ITGA8: variants seen among roughly 807,000 people sequenced by gnomAD.
ITGA8 encodes integrin subunit alpha 8.
In ITGA8, 91 loss-of-function variants were observed where a neutral mutation model predicts 142.3. The ratio of observed to expected loss-of-function variants is 0.64; its 90% confidence interval spans 0.54 to 0.76. The LOEUF (loss-of-function observed/expected upper bound fraction) is 0.76, where lower values mean the gene tolerates loss of function less well. Among genes scored for constraint, ITGA8 ranks in the 30% least tolerant of loss-of-function variants. The pLI, the probability that ITGA8 is intolerant of heterozygous loss-of-function variation, is 0.00. For synonymous variants in ITGA8, 505 were observed against 485.2 expected, an observed-to-expected ratio of 1.04 and a Z score of -0.54; for missense variants, 1,406 against 1,327.7, an observed-to-expected ratio of 1.06 and a Z score of -0.92.
intron 20 of ITGA8, among the ~76,000 whole-genome samples, chr10:15,599,080 A>G (rs1833057157): frequency 4.8e-5 from 1 of 20,624 alleles, no homozygotes. Flanking sequence ...TAGTTTCTAT[A>G]GTAAATTTTT....
intron 8 of ITGA8, among the ~76,000 whole-genome samples, chr10:15,663,308 T>C (rs1834324849): frequency 6.6e-6 from 1 of 152,200 alleles, no homozygotes; most frequent in Non-Finnish European, 1.5e-5. Context: ...TTATTTTAGA[T>C]ATTTTATTTT....
At chr10:15,716,053 C>T (rs1262460623) in intron 2 of ITGA8, among the ~76,000 whole-genome samples, 1 of 152,204 alleles carries the variant, frequency 6.6e-6, no homozygotes, top group Non-Finnish European at 1.5e-5. Context: ...CCCAACAATT[C>T]CTTTCTCCTC....
intron 26 of ITGA8, among the ~76,000 whole-genome samples, chr10:15,551,989 G>A (rs1052898203): frequency 6.6e-6 from 1 of 151,932 alleles, no homozygotes; most frequent in African/African-American, 2.4e-5. Context: ...AACATTTAAA[G>A]AGAAACAATA....
At chr10:15,572,531 G>A (rs1321587657) in intron 24 of ITGA8, among the ~76,000 whole-genome samples, 162 bp from the exon 25 acceptor site, 1 of 152,166 alleles carries the variant, frequency 6.6e-6, no homozygotes, top group African/African-American at 2.4e-5. Context: ...GATATGGCAA[G>A]AAGCACTCTG....
chr10:15,674,972 G>A (rs532199834), intron 6 of ITGA8, among the ~76,000 whole-genome samples: 1 of 151,636 alleles, frequency 6.6e-6, no homozygotes, highest in African/African-American at 2.4e-5. Flanking sequence ...ATCTCTCCTG[G>A]ATCTTTCTCA....
chr10:15,644,198 C>A lies in ITGA8; in HGVS notation c.1231G>T (p.Ala411Ser), dbSNP rs1185457633. ...YNDIAIGVPF[A>S]GKDQRGKVLI... The stretch of plus-strand genomic sequence containing the variant: ...ACTTTGCCTCTTTGATCCTTGCCTG[C>A]AAAAGGCACTCCGATGGCAATGTCT... Residue 411 changes from alanine to serine, a missense_variant, in exon 13 of 30, where the codon GCA becomes TCA. Coordinates refer to ENST00000378076, the MANE Select transcript of ITGA8 (RefSeq NM_003638.3). The A allele has an allele frequency of 6.2e-7, 1 of 1,613,510 alleles. No individual in the cohort carries two copies. Among genetic ancestry groups the A allele is most frequent in the African/African-American group, 1.3e-5 (1 of 74,832 alleles).
chr10:15,533,623 A>C (rs1382877056), intron 27 of ITGA8, among the ~76,000 whole-genome samples: 1 of 152,208 alleles, frequency 6.6e-6, no homozygotes, highest in Non-Finnish European at 1.5e-5. Flanking sequence ...AAGTTCAATA[A>C]AAAATTGATA....
At chr10:15,557,264 C>A (rs555351836) in intron 26 of ITGA8, among the ~76,000 whole-genome samples, 2 of 152,100 alleles carry the variant, frequency 1.3e-5, no homozygotes, top group African/African-American at 4.8e-5. Flanking sequence ...CCTGTAGCCC[C>A]AGCTACTCGG....
chr10:15,606,094 A>G (rs1366055534), intron 18 of ITGA8, among the ~76,000 whole-genome samples, 191 bp downstream of exon 18: 4 of 152,184 alleles, frequency 2.6e-5, no homozygotes, highest in African/African-American at 9.7e-5. Flanking sequence ...TCTTGATTGC[A>G]CAAGAGGAAA....
intron 2 of ITGA8, among the ~76,000 whole-genome samples, chr10:15,712,306 G>A (rs937945032): frequency 1.3e-5 from 2 of 152,174 alleles, no homozygotes; most frequent in Admixed American, 1.3e-4. Flanking sequence ...CAATGGCTGG[G>A]TGTGGCGGCT....
chr10:15,562,390 G>C (rs1016841383), intron 25 of ITGA8, among the ~76,000 whole-genome samples: 1 of 152,130 alleles, frequency 6.6e-6, no homozygotes, highest in Non-Finnish European at 1.5e-5. Context: ...CCAGGCTGTG[G>C]GACTGTGCAT....
At chr10:15,622,843 C>G (rs1833519007) in intron 13 of ITGA8, among the ~76,000 whole-genome samples, 1 of 152,004 alleles carries the variant, frequency 6.6e-6, no homozygotes, top group Non-Finnish European at 1.5e-5. Flanking sequence ...ATATCTGTGA[C>G]TAATAAATAT....
At chr10:15,541,049 A>G (rs1833559243) in intron 27 of ITGA8, among the ~76,000 whole-genome samples, 1 of 152,196 alleles carries the variant, frequency 6.6e-6, no homozygotes, top group Non-Finnish European at 1.5e-5. Context: ...TAAGTTGCAT[A>G]TAATTGAACA....
chr10:15,671,694 C>T (rs1305002587), intron 7 of ITGA8, 47 bp from the exon 8 acceptor site: 1 of 1,457,926 alleles, frequency 6.9e-7, no homozygotes, highest in African/African-American at 1.4e-5. Context: ...AATGACTTAA[C>T]CTAATGAGTT....
Position 15,547,565 on chromosome 10 carries a change from C to A in ITGA8, c.2880+890G>T, listed in dbSNP as rs1399929473. ...CCAGGCTGGGTAACAGAGCAAGACT[C>A]CATCTCAGAAAAGCAACAACAACAA... On this transcript the variant is annotated intron_variant, in intron 27 of 29. Coordinates refer to ENST00000378076, the MANE Select transcript of ITGA8 (RefSeq NM_003638.3). Among the ~76,000 whole-genome samples the A allele has an allele frequency of 3.9e-5, 6 of 152,250 alleles. No individual in the cohort carries two copies. In the East Asian group the frequency reaches 1.2e-3, roughly 29 times the overall value.
intron 13 of ITGA8, 46 bp downstream of exon 13, chr10:15,643,982 CTA>C (rs751237331): frequency 7.2e-6 from 11 of 1,536,814 alleles, no homozygotes; most frequent in South Asian, 4.9e-5. Context: ...AAAATGGACT[CTA>C]TTTCAGGACG....
chr10:15,691,456 G>A (rs1023561066), intron 2 of ITGA8, among the ~76,000 whole-genome samples: 7 of 152,222 alleles, frequency 4.6e-5, no homozygotes, highest in Admixed American at 3.9e-4. Context: ...GTCCTTCAAC[G>A]GATGAATAAA....
At chr10:15,637,819 TA>T (rs1326855217) in intron 13 of ITGA8, among the ~76,000 whole-genome samples, 8 of 133,586 alleles carry the variant, frequency 6.0e-5, no homozygotes, top group African/African-American at 1.1e-4. Flanking sequence ...TTTTTTTTTT[TA>T]AATTGGCTTG....
Position 15,595,544 on chromosome 10 carries a change from T to C in ITGA8, c.2211+1663A>G, listed in dbSNP as rs1832997859. The stretch of plus-strand genomic sequence containing the variant: ...GCTGGCAAAATGAATTGACATACTT[T>C]CACATAAACACATTTGTGATTAAGA... On this transcript the variant is annotated intron_variant, in intron 21 of 29. Transcript: ENST00000378076. 2.6e-5 allele frequency among the ~76,000 whole-genome samples: 4 copies of C among 152,228 alleles called. No individual in the cohort carries two copies. The South Asian group carries it at 8.3e-4, about 32-fold the overall frequency.
Sources: gnomAD v4.1 joint callset for allele counts (sites outside exome capture counted in the v4.1 genomes callset) on GRCh38, gnomAD v4.1.1 for gene constraint, MANE v1.5 for transcripts, NCBI Gene and HGNC (gene_info 2026-07-23, HGNC 2026-07-21) for gene names.